Variants in ZNF536 observed in about 807,000 individuals in gnomAD.
The protein encoded by ZNF536 is zinc finger protein 536.
Under a neutral mutation model 84.5 loss-of-function variants are expected in ZNF536, and 13 were observed. The ratio of observed to expected loss-of-function variants is 0.15; its 90% CI spans 0.10 to 0.24. The LOEUF (loss-of-function observed/expected upper bound fraction) is 0.24, where lower values mean the gene tolerates loss of function less well. Ranked by LOEUF, ZNF536 falls within the 10% of genes least tolerant of loss-of-function variation. The pLI is 1.00. For missense variants in ZNF536, 1,536 were observed against 1,747.5 expected (o/e 0.88, Z 2.16); for synonymous variants, 811 against 742.5 (o/e 1.09, Z -1.50).
At chr19:30,405,114 A>G (rs1372814094) in intron 1 of ZNF536, among the ~76,000 whole-genome samples, 3 of 152,184 alleles carry the variant, frequency 2.0e-5, no homozygotes, top group African/African-American at 7.2e-5. Context: ...GCATTCAGCT[A>G]TCCCGAAGCT....
At chr19:30,364,357 C>G (rs536880511) in intron 3 of ZNF536, among the ~76,000 whole-genome samples, 2 of 152,100 alleles carry the variant, frequency 1.3e-5, no homozygotes, top group South Asian at 2.1e-4. Context: ...GAGACCCCAT[C>G]TCTACAAAAA....
chr19:30,310,117 AT>A (rs2046454082), intron 2 of ZNF536, among the ~76,000 whole-genome samples: 1 of 152,248 alleles, frequency 6.6e-6, no homozygotes, highest in Admixed American at 6.5e-5. Context: ...GTTTGCATGC[AT>A]TTCACATGGT....
chr19:30,531,139 T>G (rs1345486981), intron 2 of ZNF536, among the ~76,000 whole-genome samples: 2 of 152,224 alleles, frequency 1.3e-5, no homozygotes, highest in Non-Finnish European at 2.9e-5. Flanking sequence ...AAAAAATCCC[T>G]TTTCTTTGTG....
rs528551851 is a variant in ZNF536 at position 30,486,731 on chromosome 19, G to A, written c.2170+40999G>A. On this transcript the variant is annotated intron_variant, in intron 2 of 4. Transcript: ENST00000355537. ...ACATTCCCACCAATGGTGTAAAAACGTTCCTATTTCTCCACAGCCTTGACA... is the reference window on the plus strand; with the variant it reads ...ACATTCCCACCAATGGTGTAAAAACATTCCTATTTCTCCACAGCCTTGACA... Among the ~76,000 whole-genome samples the A allele has an allele frequency of 2.6e-5, 4 of 152,232 alleles. No homozygotes were observed. The South Asian group carries it at 8.3e-4, about 32-fold the overall frequency.
intron 3 of ZNF536, among the ~76,000 whole-genome samples, chr19:30,541,786 A>C (rs756088781): frequency 1.3e-5 from 2 of 152,244 alleles, no homozygotes; most frequent in Non-Finnish European, 2.9e-5. Flanking sequence ...TGGGAAAGTC[A>C]CATAATGAAT....
At chr19:30,526,729 A>G (rs1033108908) in intron 2 of ZNF536, among the ~76,000 whole-genome samples, 3 of 150,834 alleles carry the variant, frequency 2.0e-5, no homozygotes, top group Admixed American at 6.6e-5. Context: ...GTCTCAAAAA[A>G]AAAAAAAAAA....
At chr19:30,622,289 C>A (rs2048510195) in intron 1 of ZNF536, among the ~76,000 whole-genome samples, 1 of 152,348 alleles carries the variant, frequency 6.6e-6, no homozygotes, top group Admixed American at 6.5e-5. Context: ...AAAGCAAAAT[C>A]TCAGAGACAT....
chr19:30,258,517 C>T (rs1333906434), intron 1 of ZNF536, among the ~76,000 whole-genome samples: 2 of 152,132 alleles, frequency 1.3e-5, no homozygotes, highest in African/African-American at 2.4e-5. Context: ...ACGGAAAGTA[C>T]ATTAACTGTG....
At chr19:30,327,460 T>C (rs934390589) in intron 2 of ZNF536, among the ~76,000 whole-genome samples, 1 of 152,378 alleles carries the variant, frequency 6.6e-6, no homozygotes, top group African/African-American at 2.4e-5. Flanking sequence ...TTTTCACTTA[T>C]AATTATCTCC....
At chr19:30,343,501 G>T (rs2047630761) in intron 2 of ZNF536, among the ~76,000 whole-genome samples, 1 of 152,104 alleles carries the variant, frequency 6.6e-6, no homozygotes, top group Non-Finnish European at 1.5e-5. Flanking sequence ...CCGACTTAAG[G>T]GAAACCTAGA....
chr19:30,440,247 C>T (rs1313557978), intron 1 of ZNF536, among the ~76,000 whole-genome samples: 1 of 152,020 alleles, frequency 6.6e-6, no homozygotes, highest in Non-Finnish European at 1.5e-5. Context: ...AGGCATAAGC[C>T]ACCATGGCCG....
chr19:30,446,278 AGAAAG>A (rs2052342969), intron 2 of ZNF536, among the ~76,000 whole-genome samples: 2 of 145,936 alleles, frequency 1.4e-5, no homozygotes, highest in African/African-American at 2.5e-5. Flanking sequence ...AAAAAAAGAA[AGAAAG>A]AAAGAAAGAA....
At chr19:30,365,106 G>A (rs1196839055) in intron 3 of ZNF536, among the ~76,000 whole-genome samples, 1 of 152,168 alleles carries the variant, frequency 6.6e-6, no homozygotes, top group African/African-American at 2.4e-5. Context: ...CTGAAATCAA[G>A]GCACAACTTA....
chr19:30,534,395 A>T (rs539445934), intron 2 of ZNF536, among the ~76,000 whole-genome samples: 10 of 152,338 alleles, frequency 6.6e-5, no homozygotes, highest in African/African-American at 2.4e-4. Flanking sequence ...TGCATGTCTT[A>T]GGGACTCAGC....
At chr19:30,696,300 C>T (rs546122246) in intron 1 of ZNF536, among the ~76,000 whole-genome samples, 7 of 152,164 alleles carry the variant, frequency 4.6e-5, no homozygotes, top group East Asian at 1.9e-4. Context: ...CCGGCTCCCC[C>T]ACTCCAGCAC....
At chr19:30,290,986 G>T (rs1267469372) in intron 2 of ZNF536, among the ~76,000 whole-genome samples, 1 of 152,152 alleles carries the variant, frequency 6.6e-6, no homozygotes, top group Non-Finnish European at 1.5e-5. Flanking sequence ...ATGGTTTCCA[G>T]CTTCATCCAT....
chr19:30,353,440 C>A (rs539528132), intron 3 of ZNF536, among the ~76,000 whole-genome samples: 1 of 152,066 alleles, frequency 6.6e-6, no homozygotes, highest in East Asian at 1.9e-4. Flanking sequence ...TGAGTGTTTT[C>A]CGTCAGTTTC....
intron 3 of ZNF536, among the ~76,000 whole-genome samples, chr19:30,535,499 A>T (rs1326690271): frequency 6.6e-6 from 1 of 151,898 alleles, no homozygotes; most frequent in Non-Finnish European, 1.5e-5. Context: ...CATCCTCGTC[A>T]CTCCATGTGG....
At chr19:30,254,433 C>G (rs923551236) in intron 1 of ZNF536, among the ~76,000 whole-genome samples, 4 of 151,874 alleles carry the variant, frequency 2.6e-5, no homozygotes, top group Admixed American at 6.6e-5. Context: ...AGGATTCATA[C>G]GCACGGTGTT....
Sources: allele counts gnomAD v4.1 joint callset (sites outside exome capture counted in the v4.1 genomes callset), GRCh38; gene constraint gnomAD v4.1.1; transcripts MANE v1.5; gene names NCBI Gene and HGNC (gene_info 2026-07-23, HGNC 2026-07-21).